Variants in OR2L13 observed in about 807,000 individuals in gnomAD.
OR2L13 encodes the protein olfactory receptor family 2 subfamily L member 13, also known as olfactory receptor 2L13.
Under a neutral mutation model 15.3 loss-of-function variants are expected in OR2L13, and 14 were observed. The observed-to-expected ratio is 0.91, with a 90% CI of 0.60 to 1.43. The LOEUF is 1.43. OR2L13 is among the 40% of genes most tolerant of loss of function. The probability of loss-of-function intolerance (pLI) is 0.00; values close to 1 mark genes in which losing one functional copy is unlikely to be tolerated. For missense variants in OR2L13, 367 were observed against 387.9 expected, an observed-to-expected ratio of 0.95 and a Z score of 0.45; for synonymous variants, 152 against 142.9, an observed-to-expected ratio of 1.06 and a Z score of -0.45.
the OR2L13 span, among the ~76,000 whole-genome samples, chr1:247,946,874 A>T: frequency 6.6e-6 from 1 of 152,192 alleles, no homozygotes; most frequent in Non-Finnish European, 1.5e-5. Flanking sequence ...AAACTATTGC[A>T]TTTGAACATG....
At chr1:248,034,820 A>G in the OR2L13 span, among the ~76,000 whole-genome samples, 1 of 152,172 alleles carries the variant, frequency 6.6e-6, no homozygotes, top group African/African-American at 2.4e-5. Context: ...AGAACAGACA[A>G]TTTTGCTTCT....
At chr1:248,063,793 CGTGTGTGTGTGT>C in the OR2L13 span, among the ~76,000 whole-genome samples, 3 of 146,530 alleles carry the variant, frequency 2.0e-5, no homozygotes, top group Admixed American at 2.0e-4. Context: ...AAGATGTGTG[CGTGTGTGTGTGT>C]GTGTGTGTGT....
At chr1:247,941,254 A>T in the OR2L13 span, among the ~76,000 whole-genome samples, 1 of 152,096 alleles carries the variant, frequency 6.6e-6, no homozygotes, top group Non-Finnish European at 1.5e-5. Flanking sequence ...TCATTTAGTT[A>T]GGTCCTGCTC....
At chr1:248,013,366 C>T in the OR2L13 span, among the ~76,000 whole-genome samples, 1 of 152,230 alleles carries the variant, frequency 6.6e-6, no homozygotes, top group African/African-American at 2.4e-5. Context: ...CACTGAGTTT[C>T]CCCTTGACAT....
At chr1:248,045,979 A>C in the OR2L13 span, 1 of 152,226 alleles carries the variant, frequency 6.6e-6, no homozygotes, top group Non-Finnish European at 1.5e-5. Flanking sequence ...TGTTTAAAAA[A>C]TTCAAATATT....
chr1:247,993,059 T>A, the OR2L13 span, among the ~76,000 whole-genome samples: 1 of 152,190 alleles, frequency 6.6e-6, no homozygotes, highest in Non-Finnish European at 1.5e-5. Flanking sequence ...TTTTTAATTA[T>A]AGCCATAGTG....
At chr1:248,027,189 G>A in the OR2L13 span, among the ~76,000 whole-genome samples, 1 of 152,166 alleles carries the variant, frequency 6.6e-6, no homozygotes, top group African/African-American at 2.4e-5. Context: ...GATAAGGGAC[G>A]AAATAAGCCC....
the OR2L13 span, among the ~76,000 whole-genome samples, chr1:247,955,313 GTA>G: frequency 1.3e-5 from 2 of 151,920 alleles, no homozygotes; most frequent in African/African-American, 4.8e-5. Flanking sequence ...ATTCCATGGT[GTA>G]TATGTGCCAC....
At chr1:247,955,634 C>T in the OR2L13 span, among the ~76,000 whole-genome samples, 75 of 144,274 alleles carry the variant, frequency 5.2e-4, no homozygotes, top group Admixed American at 3.2e-3. Flanking sequence ...TTTTAATGAT[C>T]ACCATTCTAA....
chr1:247,941,744 G>A, the OR2L13 span, among the ~76,000 whole-genome samples: 58 of 152,288 alleles, frequency 3.8e-4, no homozygotes, highest in African/African-American at 1.3e-3. Context: ...CCTAGTGATG[G>A]AGTGTGACTC....
At chr1:247,995,153 C>A in the OR2L13 span, among the ~76,000 whole-genome samples, 1 of 152,202 alleles carries the variant, frequency 6.6e-6, no homozygotes, top group African/African-American at 2.4e-5. Flanking sequence ...TCATAAAGTT[C>A]TTTCACTGCA....
At chr1:248,049,220 C>A in the OR2L13 span, among the ~76,000 whole-genome samples, 1 of 152,074 alleles carries the variant, frequency 6.6e-6, no homozygotes, top group Non-Finnish European at 1.5e-5. Flanking sequence ...GATAATGAGA[C>A]TATGTTTGAA....
At chr1:247,946,733 C>G in the OR2L13 span, among the ~76,000 whole-genome samples, 1 of 152,136 alleles carries the variant, frequency 6.6e-6, no homozygotes, top group South Asian at 2.1e-4. Flanking sequence ...CTGCTCCCTC[C>G]TCCATAATCA....
the OR2L13 span, among the ~76,000 whole-genome samples, chr1:248,058,659 A>C: frequency 6.6e-6 from 1 of 150,596 alleles, no homozygotes; most frequent in Non-Finnish European, 1.5e-5. Context: ...AATATTTTTC[A>C]GGAAAGTATT....
At chr1:248,015,188 A>T in the OR2L13 span, among the ~76,000 whole-genome samples, 1 of 152,208 alleles carries the variant, frequency 6.6e-6, no homozygotes, top group Non-Finnish European at 1.5e-5. Context: ...CTCAACAATT[A>T]AAAATACATA....
chr1:248,067,030 G>A, the OR2L13 span, among the ~76,000 whole-genome samples: 1 of 152,218 alleles, frequency 6.6e-6, no homozygotes, highest in African/African-American at 2.4e-5. Context: ...ATGTCAGGGA[G>A]CAGTCATTGG....
At chr1:248,057,757 T>A in the OR2L13 span, among the ~76,000 whole-genome samples, 1 of 152,188 alleles carries the variant, frequency 6.6e-6, no homozygotes, top group African/African-American at 2.4e-5. Context: ...TTTTTGTTAC[T>A]ATTGGAAATA....
the OR2L13 span, among the ~76,000 whole-genome samples, chr1:247,952,581 G>T: frequency 6.6e-6 from 1 of 152,076 alleles, no homozygotes; most frequent in Non-Finnish European, 1.5e-5. Context: ...GAATCTTCAG[G>T]CACTTTGTCT....
chr1:247,988,184 T>A, the OR2L13 span, among the ~76,000 whole-genome samples: 1 of 152,036 alleles, frequency 6.6e-6, no homozygotes, highest in South Asian at 2.1e-4. Flanking sequence ...CTATGTGCAT[T>A]TCTGGGAATG....
Sources: allele counts gnomAD v4.1 joint callset (sites outside exome capture counted in the v4.1 genomes callset), GRCh38; gene constraint gnomAD v4.1.1; transcripts MANE v1.5; gene names NCBI Gene and HGNC (gene_info 2026-07-23, HGNC 2026-07-21).